The following DLGAP1 variants were observed in gnomAD, a reference collection of about 807,000 sequenced individuals.
DLGAP1 encodes disks large-associated protein 1.
A neutral mutation model predicts 90.8 loss-of-function variants in DLGAP1; 11 were observed. That is an observed-to-expected ratio of 0.12 (90% CI 0.08 to 0.20). The LOEUF is 0.20. Among genes scored for constraint, DLGAP1 ranks in the 10% least tolerant of loss-of-function variants. The pLI, the probability that DLGAP1 is intolerant of heterozygous loss-of-function variation, is 1.00. For missense variants in DLGAP1, 1,050 were observed against 1,333.8 expected (o/e 0.79, Z 3.31); for synonymous variants, 558 against 540.7 (o/e 1.03, Z -0.44).
intron 4 of DLGAP1, among the ~76,000 whole-genome samples, chr18:3,872,723 T>C (rs2070828980): frequency 6.6e-6 from 1 of 152,244 alleles, no homozygotes; most frequent in African/African-American, 2.4e-5. Flanking sequence ...TGATCTCATG[T>C]GGGCTAGAGA....
intron 7 of DLGAP1, among the ~76,000 whole-genome samples, chr18:3,657,294 G>T (rs2059526290): frequency 6.6e-6 from 1 of 152,148 alleles, no homozygotes; most frequent in South Asian, 2.1e-4. Flanking sequence ...AAATCAAATT[G>T]GTATCTGTAT....
chr18:3,798,207 C>A (rs1198851821), intron 5 of DLGAP1, among the ~76,000 whole-genome samples: 3 of 152,140 alleles, frequency 2.0e-5, no homozygotes, highest in African/African-American at 7.2e-5. Flanking sequence ...GTAACCAAAC[C>A]CGAGGTTAAT....
intron 4 of DLGAP1, among the ~76,000 whole-genome samples, chr18:3,865,603 G>T (rs1187864614): frequency 6.6e-6 from 1 of 152,066 alleles, no homozygotes; most frequent in Non-Finnish European, 1.5e-5. Context: ...AATCCTTCAA[G>T]AGAAGACCAA....
chr18:4,023,858 T>C (rs2074655052), intron 2 of DLGAP1, among the ~76,000 whole-genome samples: 1 of 144,564 alleles, frequency 6.9e-6, no homozygotes, highest in African/African-American at 2.6e-5. Context: ...TTTTTATTTA[T>C]TAATGTAATA....
At chr18:4,149,838 G>A (rs572289504) in intron 2 of DLGAP1, among the ~76,000 whole-genome samples, 109 of 151,804 alleles carry the variant, frequency 7.2e-4, no homozygotes, top group Non-Finnish European at 1.5e-3. Flanking sequence ...CCACGAAACC[G>A]GTCCCTGGAC....
chr18:3,718,970 A>C (rs1281543212), intron 7 of DLGAP1, among the ~76,000 whole-genome samples: 1 of 151,902 alleles, frequency 6.6e-6, no homozygotes, highest in African/African-American at 2.4e-5. Flanking sequence ...AAATTTCTCA[A>C]ATTTGGCAAT....
intron 1 of DLGAP1, among the ~76,000 whole-genome samples, chr18:4,196,780 T>C (rs1481768007): frequency 6.6e-6 from 1 of 152,242 alleles, no homozygotes; most frequent in African/African-American, 2.4e-5. Context: ...CTCATTTAAT[T>C]ACAGAGTGTT....
intron 1 of DLGAP1, among the ~76,000 whole-genome samples, chr18:4,418,467 T>C (rs983063763): frequency 6.6e-6 from 1 of 152,074 alleles, no homozygotes; most frequent in Non-Finnish European, 1.5e-5. Flanking sequence ...AAAAGAAGGA[T>C]ATGATAAAAG....
intron 4 of DLGAP1, among the ~76,000 whole-genome samples, chr18:3,823,266 G>A (rs2148497685): frequency 6.6e-6 from 1 of 152,284 alleles, no homozygotes; most frequent in South Asian, 2.1e-4. Flanking sequence ...TACTCAGTCA[G>A]CAAGCATCTC....
intron 1 of DLGAP1, among the ~76,000 whole-genome samples, chr18:4,253,250 A>G (rs559127736): frequency 1.6e-4 from 25 of 152,310 alleles, no homozygotes; most frequent in Admixed American, 3.3e-4. Flanking sequence ...AACCCCTTGC[A>G]GGATGCTGTG....
intron 3 of DLGAP1, chr18:3,984,049 C>T (rs2073791669): frequency 6.6e-6 from 1 of 152,174 alleles, no homozygotes; most frequent in Non-Finnish European, 1.5e-5. Context: ...AAAAGATCCT[C>T]ACGGAATGGA....
At chr18:3,932,056 C>T (rs568325600) in intron 3 of DLGAP1, among the ~76,000 whole-genome samples, 66 of 152,276 alleles carry the variant, frequency 4.3e-4, no homozygotes, top group South Asian at 1.0e-3. Flanking sequence ...CACCAGACAC[C>T]GACAGGCCTG....
rs567967017 is a variant in DLGAP1 at position 3,554,038 on chromosome 18, T to C, written c.2057+13452A>G. Among the ~76,000 whole-genome samples the C allele has an allele frequency of 1.8e-4, 28 of 152,252 alleles. No homozygotes were observed. The South Asian group carries it at 5.2e-3, about 28-fold the overall frequency. On this transcript the variant is annotated intron_variant, in intron 9 of 12. Transcript: ENST00000315677. ...GTCTAGTTTGAAGCCACTGTTAAAA[T>C]AGAATTGTTATTTGGAAGGAAATGG...
chr18:3,586,330 C>T lies in DLGAP1; in HGVS notation c.1592-4082G>A, dbSNP rs371253067. Among the ~76,000 whole-genome samples the T allele has an allele frequency of 2.6e-5, 4 of 152,098 alleles. No homozygotes were observed. In the South Asian group the frequency reaches 8.3e-4, roughly 31 times the overall value. On this transcript the variant is annotated intron_variant, in intron 7 of 12. Transcript: ENST00000315677. Reference sequence around the variant, plus strand: ...AGGAACCATCTCCCATGTTGTTATACGGAGGGGCATTACTCATTATTATGA... The same window carrying T: ...AGGAACCATCTCCCATGTTGTTATATGGAGGGGCATTACTCATTATTATGA...
intron 1 of DLGAP1, among the ~76,000 whole-genome samples, chr18:4,250,841 T>TG (rs1465404091): frequency 6.6e-6 from 1 of 151,522 alleles, no homozygotes; most frequent in Non-Finnish European, 1.5e-5. Flanking sequence ...TACATGAAGC[T>TG]GAAAAAAGAA....
intron 7 of DLGAP1, among the ~76,000 whole-genome samples, chr18:3,645,427 G>A (rs927156828): frequency 2.0e-5 from 3 of 152,160 alleles, no homozygotes; most frequent in Non-Finnish European, 4.4e-5. Context: ...CTTTGAAAAT[G>A]TATTTCCAAC....
intron 5 of DLGAP1, among the ~76,000 whole-genome samples, chr18:3,793,541 A>G (rs1383833815): frequency 6.6e-6 from 1 of 151,800 alleles, no homozygotes; most frequent in African/African-American, 2.4e-5. Flanking sequence ...TTATCCCCTT[A>G]AAGTGCTGGT....
chr18:3,745,503 GA>G lies in DLGAP1; in HGVS notation c.1173-2992del, dbSNP rs1482877358. ...CAATGTTGCTATAATCTAAACAAGG[GA>G]AAAGGGCTCAGTTAAGTATTAGTGG... On this transcript the variant is annotated intron_variant, in intron 5 of 12. Coordinates refer to ENST00000315677, the MANE Select transcript of DLGAP1 (RefSeq NM_004746.4). Among the ~76,000 whole-genome samples, 5 of 152,206 alleles carry G rather than the reference GA, an allele frequency of 3.3e-5. No individual in the cohort carries two copies. The East Asian group carries it at 9.7e-4, about 29-fold the overall frequency.
intron 1 of DLGAP1, among the ~76,000 whole-genome samples, chr18:4,351,265 T>G (rs757475657): frequency 6.6e-6 from 1 of 152,202 alleles, no homozygotes; most frequent in African/African-American, 2.4e-5. Flanking sequence ...CAACTCACAC[T>G]GTGGAAAATG....
Sources: allele counts gnomAD v4.1 joint callset (sites outside exome capture counted in the v4.1 genomes callset), GRCh38; gene constraint gnomAD v4.1.1; transcripts MANE v1.5; gene names NCBI Gene and HGNC (gene_info 2026-07-23, HGNC 2026-07-21).